Variants in MECOM observed in about 807,000 individuals in gnomAD.
MECOM encodes MDS1 and EVI1 complex locus, also known as histone-lysine N-methyltransferase MECOM.
A neutral mutation model predicts 116.3 loss-of-function variants in MECOM; 13 were observed. The observed-to-expected ratio is 0.11, with a 90% CI of 0.07 to 0.18. The LOEUF (loss-of-function observed/expected upper bound fraction) is 0.18. MECOM is among the 10% of genes least tolerant of loss of function. The pLI, the probability that MECOM is intolerant of heterozygous loss-of-function variation, is 1.00. For synonymous variants in MECOM, 528 were observed against 535.2 expected (o/e 0.99, Z 0.19); for missense variants, 1,299 against 1,509.0 (o/e 0.86, Z 2.31).
intron 1 of MECOM, among the ~76,000 whole-genome samples, chr3:169,451,729 T>C (rs1204050147): frequency 6.6e-6 from 1 of 152,164 alleles, no homozygotes; most frequent in African/African-American, 2.4e-5. Flanking sequence ...TTTTTATTTC[T>C]ATGTAAAATA....
chr3:169,569,677 C>T lies in MECOM; in HGVS notation c.37+93659G>A, dbSNP rs865858653. Among the ~76,000 whole-genome samples, 4 of 152,308 alleles carry T rather than the reference C, an allele frequency of 2.6e-5. No homozygotes were observed. In the Middle Eastern group the frequency reaches 0.014, roughly 518 times the overall value. Reference sequence around the variant, plus strand: ...CAAATTAGAACTCAGGATTAAGAAACTCGCTCAAACCTGACAATGCATAGA... The same window carrying T: ...CAAATTAGAACTCAGGATTAAGAAATTCGCTCAAACCTGACAATGCATAGA... On this transcript the variant is annotated intron_variant, in intron 1 of 16. Transcript: ENST00000651503.
intron 1 of MECOM, among the ~76,000 whole-genome samples, chr3:169,383,264 A>C (rs1294511669): frequency 6.6e-6 from 1 of 152,182 alleles, no homozygotes; most frequent in Non-Finnish European, 1.5e-5. Flanking sequence ...TAAACCAAGC[A>C]TATAACTGAA....
At chr3:169,430,586 G>A (rs1348415711) in intron 1 of MECOM, among the ~76,000 whole-genome samples, 3 of 152,096 alleles carry the variant, frequency 2.0e-5, no homozygotes, top group African/African-American at 7.2e-5. Flanking sequence ...TTTTGAATAA[G>A]GAGAAAAAGG....
intron 1 of MECOM, among the ~76,000 whole-genome samples, chr3:169,472,678 G>A (rs1749729603): frequency 1.3e-5 from 1 of 77,290 alleles, no homozygotes; most frequent in African/African-American, 4.7e-5. Context: ...GAAAGGAGAG[G>A]AGAGGAAAGG....
intron 2 of MECOM, among the ~76,000 whole-genome samples, chr3:169,346,965 T>G (rs895083690): frequency 1.3e-5 from 2 of 152,054 alleles, no homozygotes; most frequent in African/African-American, 4.8e-5. Context: ...AACCCAAATG[T>G]TTAATAATAG....
At chr3:169,453,035 T>C (rs1488862390) in intron 1 of MECOM, among the ~76,000 whole-genome samples, 1 of 152,146 alleles carries the variant, frequency 6.6e-6, no homozygotes, top group East Asian at 1.9e-4. Flanking sequence ...CTTACATGAA[T>C]GGAATGGGAA....
chr3:169,433,687 A>G (rs966514220), intron 1 of MECOM, among the ~76,000 whole-genome samples: 14 of 109,082 alleles, frequency 1.3e-4, no homozygotes, highest in African/African-American at 4.1e-4. Context: ...GAAAGAAAGA[A>G]AGAGAAAGAA....
chr3:169,245,919 G>T (rs1755525841), intron 2 of MECOM, among the ~76,000 whole-genome samples: 1 of 152,116 alleles, frequency 6.6e-6, no homozygotes, highest in African/African-American at 2.4e-5. Context: ...AATCTATGTG[G>T]CACAGCCTCC....
At chr3:169,539,701 T>C (rs1759835933) in intron 1 of MECOM, among the ~76,000 whole-genome samples, 1 of 152,060 alleles carries the variant, frequency 6.6e-6, no homozygotes, top group East Asian at 1.9e-4. Flanking sequence ...CTCTGCCCAG[T>C]AGCCAGAGTA....
At chr3:169,461,300 A>T (rs1341003832) in intron 1 of MECOM, among the ~76,000 whole-genome samples, 2 of 152,174 alleles carry the variant, frequency 1.3e-5, no homozygotes, top group African/African-American at 4.8e-5. Context: ...CATCTGGGAC[A>T]GAAACCATGG....
intron 1 of MECOM, among the ~76,000 whole-genome samples, chr3:169,594,178 A>AAAACCAAAAAACACCTT (rs1553894686): frequency 7.2e-6 from 1 of 138,598 alleles, no homozygotes; most frequent in African/African-American, 2.8e-5. Flanking sequence ...AAAAAAAAAC[A>AAAACCAAAAAACACCTT]CCTTTTCACC....
At chr3:169,560,504 C>A (rs1762522198) in intron 1 of MECOM, among the ~76,000 whole-genome samples, 1 of 152,042 alleles carries the variant, frequency 6.6e-6, no homozygotes, top group Non-Finnish European at 1.5e-5. Flanking sequence ...TGGCCCATAA[C>A]CTGACTTCTG....
intron 2 of MECOM, among the ~76,000 whole-genome samples, chr3:169,361,662 G>A (rs1208345450): frequency 6.6e-6 from 1 of 151,818 alleles, no homozygotes; most frequent in East Asian, 1.9e-4. Flanking sequence ...AAGTGGTTAA[G>A]TACTTGCTTA....
chr3:169,128,053 C>G lies in MECOM; in HGVS notation c.621G>C (p.Arg207=). The G allele has an allele frequency of 6.2e-7, 1 of 1,613,932 alleles. No individual in the cohort carries two copies. The highest frequency in any genetic ancestry group is 1.1e-5 in the South Asian group (1 of 91,078). ...GGTCACAGTCTTCGCAGCGATATTG[C>G]CGTTCTTCTGTGAAAACAATTCAGG... ...ETMAPDIHEE[R]QYRCEDCDQL... Residue 207 remains arginine (R), a synonymous_variant, in exon 5 of 17, where the codon CGG becomes CGC. Coordinates refer to ENST00000651503, the MANE Select transcript of MECOM (RefSeq NM_004991.4).
At position 169,227,158 on chromosome 3, in the gene MECOM, A is replaced by G. The variant is rs148764239; in HGVS notation, c.376-83326T>C. On this transcript the variant is annotated intron_variant, in intron 2 of 16. Transcript: ENST00000651503. ...GTGAGAGCAGGCCCAGATTGTACAC[A>G]GTACTAATATTAGCAAGAGCTCACT... Among the ~76,000 whole-genome samples the G allele has an allele frequency of 1.3e-4, 20 of 152,334 alleles. No homozygotes were observed. The East Asian group carries it at 3.9e-3, about 29-fold the overall frequency.
intron 2 of MECOM, among the ~76,000 whole-genome samples, chr3:169,346,316 T>C (rs766635055): frequency 5.3e-5 from 8 of 152,096 alleles, no homozygotes; most frequent in Non-Finnish European, 1.2e-4. Context: ...ATTTTCAAAG[T>C]GGTAAATCTT....
At chr3:169,543,031 C>T (rs1231640135) in intron 1 of MECOM, among the ~76,000 whole-genome samples, 1 of 152,182 alleles carries the variant, frequency 6.6e-6, no homozygotes, top group Non-Finnish European at 1.5e-5. Flanking sequence ...GGATCATTCT[C>T]AACCATAGTT....
chr3:169,620,727 T>C (rs1447930972), intron 1 of MECOM, among the ~76,000 whole-genome samples: 1 of 152,214 alleles, frequency 6.6e-6, no homozygotes, highest in Non-Finnish European at 1.5e-5. Context: ...ACCAGGCTCA[T>C]GGGAGCAAGC....
chr3:169,418,200 A>G (rs899675788), intron 1 of MECOM, among the ~76,000 whole-genome samples: 2 of 152,156 alleles, frequency 1.3e-5, no homozygotes, highest in Admixed American at 1.3e-4. Context: ...CTAAACCAGG[A>G]AGAAGTCAAA....
Sources: allele counts gnomAD v4.1 joint callset (sites outside exome capture counted in the v4.1 genomes callset), GRCh38; gene constraint gnomAD v4.1.1; transcripts MANE v1.5; gene names NCBI Gene and HGNC (gene_info 2026-07-23, HGNC 2026-07-21).